L3MBTL3: variants seen among roughly 807,000 people sequenced by gnomAD.
The protein encoded by L3MBTL3 is lethal(3)malignant brain tumor-like protein 3.
Under a neutral mutation model 102.3 loss-of-function variants are expected in L3MBTL3, and 27 were observed. That is an observed-to-expected ratio of 0.26 (90% CI 0.19 to 0.36). The LOEUF is 0.36. Among genes scored for constraint, L3MBTL3 ranks in the 10% least tolerant of loss-of-function variants. The pLI is 1.00. For missense variants in L3MBTL3, 798 were observed against 955.3 expected (o/e 0.84, Z 2.17); for synonymous variants, 340 against 320.9 (o/e 1.06, Z -0.64).
chr6:130,133,447 A>C lies in L3MBTL3; in HGVS notation c.1967-5A>C, dbSNP rs1468350786. ...AGTGATTTCCCATTTGTTTTCATTG[A>C]CCAGGTGCCCGGGAAGAACCCACCG... On this transcript the variant is annotated splice_region_variant and splice_polypyrimidine_tract_variant and intron_variant, in intron 20 of 22. Transcript: ENST00000361794. This position sits in a 1 kb window ranked among gnomAD's most constrained non-coding sequence, Gnocchi z 4.9. 1.2e-6 allele frequency: 2 copies of C among 1,612,880 alleles called. No individual in the cohort carries two copies. The highest frequency in any genetic ancestry group is 1.7e-6 in the Non-Finnish European group (2 of 1,179,466).
At chr6:130,065,052 C>A (rs990554660) in intron 10 of L3MBTL3, among the ~76,000 whole-genome samples, 2 of 115,196 alleles carry the variant, frequency 1.7e-5, no homozygotes, top group African/African-American at 5.0e-5. Flanking sequence ...CCAGGGATTC[C>A]AGTCTCAGCT....
At chr6:130,093,513 A>G (rs187349608) in intron 17 of L3MBTL3, among the ~76,000 whole-genome samples, 4 of 152,308 alleles carry the variant, frequency 2.6e-5, no homozygotes, top group Admixed American at 6.5e-5. Context: ...GCACATGTAC[A>G]TGGCATTCAG....
intron 2 of L3MBTL3, among the ~76,000 whole-genome samples, chr6:130,041,048 G>A (rs973039693): frequency 1.3e-5 from 2 of 152,218 alleles, no homozygotes; most frequent in Admixed American, 6.5e-5. Flanking sequence ...GGCAAAGAAT[G>A]TGTGAGTATT....
chr6:130,061,835 G>C (rs1781920313), intron 10 of L3MBTL3, among the ~76,000 whole-genome samples: 1 of 152,120 alleles, frequency 6.6e-6, no homozygotes, highest in South Asian at 2.1e-4. Context: ...TCCTGAAAAG[G>C]AACAGCGAGA....
chr6:130,073,715 G>C (rs1782774939), intron 13 of L3MBTL3, among the ~76,000 whole-genome samples: 1 of 151,992 alleles, frequency 6.6e-6, no homozygotes, highest in African/African-American at 2.4e-5. Context: ...AAATGTCTAG[G>C]GAACAAACAG....
intron 3 of L3MBTL3, 98 bp downstream of exon 3, chr6:130,042,899 A>G (rs1416710203): frequency 2.5e-6 from 2 of 802,506 alleles, no homozygotes; most frequent in Non-Finnish European, 4.2e-6. Flanking sequence ...TAAAAGCATT[A>G]ATCATAGTGG....
intron 8 of L3MBTL3, among the ~76,000 whole-genome samples, chr6:130,055,747 G>C (rs1043729686): frequency 4.8e-5 from 7 of 146,990 alleles, no homozygotes; most frequent in African/African-American, 1.5e-4. Context: ...GGTGTTTCCT[G>C]CCTCTGCTTC....
rs149613258 is a variant in L3MBTL3, at chr6:130,069,228, C to T, written c.1092+807C>T. ...GCTTTCTCTCTAGTATGATCAGTTC[C>T]TCCTTTCCAGAGTCACCAGGCTGGT... On this transcript the variant is annotated intron_variant, in intron 12 of 22. Transcript: ENST00000361794. 7.0e-4 allele frequency among the ~76,000 whole-genome samples: 107 copies of T among 152,296 alleles called. 1 individual carries two copies. In the East Asian group the frequency reaches 0.017, roughly 24 times the overall value.
intron 18 of L3MBTL3, among the ~76,000 whole-genome samples, chr6:130,099,023 A>G (rs1012964014): frequency 1.3e-5 from 2 of 151,994 alleles, no homozygotes; most frequent in African/African-American, 4.8e-5. Flanking sequence ...TAAAAATTAC[A>G]ATTAAAAGGG....
intron 5 of L3MBTL3, among the ~76,000 whole-genome samples, chr6:130,050,218 C>G (rs1339157988): frequency 2.0e-5 from 3 of 152,222 alleles, no homozygotes; most frequent in African/African-American, 4.8e-5. Flanking sequence ...TCTGACACTT[C>G]ACTGATTTCT....
At chr6:130,049,935 A>G in intron 5 of L3MBTL3, 105 bp downstream of exon 5, 1 of 1,381,126 alleles carries the variant, frequency 7.2e-7, no homozygotes, top group South Asian at 1.5e-5. Flanking sequence ...AGTTGACAAT[A>G]GCACCATCCA....
At chr6:130,069,132 G>A (rs576747200) in intron 12 of L3MBTL3, among the ~76,000 whole-genome samples, 58 of 152,240 alleles carry the variant, frequency 3.8e-4, no homozygotes, top group African/African-American at 1.3e-3. Context: ...CGCCTTTCAC[G>A]CCCATCCCCC....
rs186782722 is a variant in L3MBTL3, at chr6:130,128,818, T to C, written c.1967-4634T>C. On this transcript the variant is annotated intron_variant, in intron 20 of 22. Coordinates refer to ENST00000361794, the MANE Select transcript of L3MBTL3 (RefSeq NM_032438.4). The stretch of plus-strand genomic sequence containing the variant: ...AGCTGCTCCTTGGAGTGTTTTGTGG[T>C]TTCTTTAGCATACCAGTGCATGATG... 2.4e-4 allele frequency among the ~76,000 whole-genome samples: 37 copies of C among 152,238 alleles called. No homozygotes were observed. The East Asian group carries it at 7.2e-3, about 29-fold the overall frequency.
chr6:130,079,553 C>T (rs1233571608), intron 14 of L3MBTL3, among the ~76,000 whole-genome samples: 1 of 152,178 alleles, frequency 6.6e-6, no homozygotes, highest in Non-Finnish European at 1.5e-5. Flanking sequence ...AAGACAGGAT[C>T]ATCAAACTGA....
chr6:130,079,436 GTTTAT>G (rs1783170693), intron 14 of L3MBTL3, among the ~76,000 whole-genome samples: 1 of 152,188 alleles, frequency 6.6e-6, no homozygotes, highest in South Asian at 2.1e-4. Flanking sequence ...ATCATTTTGA[GTTTAT>G]TTTATGTGCT....
chr6:130,132,985 A>G (rs756402319), intron 20 of L3MBTL3, among the ~76,000 whole-genome samples: 27 of 120,132 alleles, frequency 2.2e-4, no homozygotes, highest in Non-Finnish European at 4.8e-4. Context: ...AAGTTAAAAA[A>G]CCAAACCAAG....
rs1280274980 is a variant in L3MBTL3, at chr6:130,092,763, A to T, written c.1537A>T (p.Asn513Tyr). The change falls in exon 17 of 23, where the codon AAC becomes TAC. Residue 513 changes from asparagine to tyrosine, a missense_variant. This residue lies in a region of L3MBTL3 where 306 missense variants were observed against 314.4 expected (regional missense o/e 0.97). Transcript: ENST00000361794. ...CATCCAGGTTCACTTTGATGGCTGG[A>T]ACAATTGCTATGATTACTGGATAGA... The part of the protein sequence containing the change: ...HRVKVHFDGW[N>Y]NCYDYWIDAD... 3.1e-6 allele frequency: 5 copies of T among 1,612,050 alleles called. No homozygotes were observed. Among genetic ancestry groups the T allele is most frequent in the Non-Finnish European group, 4.2e-6 (5 of 1,178,354 alleles).
intron 10 of L3MBTL3, among the ~76,000 whole-genome samples, chr6:130,062,990 C>CTT (rs367985147): frequency 0.29 from 36,564 of 125,588 alleles, 5,169 homozygotes; most frequent in East Asian, 0.45. Context: ...TCTTGCCTTT[C>CTT]TTTTTTTTTT....
rs1788139507 is a variant in L3MBTL3, at chr6:130,140,072, A to G, written c.*319A>G. 1 of 187,510 alleles carries G rather than the reference A, an allele frequency of 5.3e-6. No individual in the cohort carries two copies. The highest frequency in any genetic ancestry group is 2.4e-5 in the African/African-American group (1 of 41,944). The allele number at this position is 187,510 out of a possible 1,614,324, so 11.6% of individuals were successfully genotyped here. ...TATTTATGGTAATGGGGGGCAGAGT[A>G]AGAACTTTTGGCATTTTGTAAACAT... On this transcript the variant is annotated 3_prime_UTR_variant, in exon 23 of 23. Coordinates refer to ENST00000361794, the MANE Select transcript of L3MBTL3 (RefSeq NM_032438.4).
Sources: gnomAD v4.1 joint callset for allele counts (sites outside exome capture counted in the v4.1 genomes callset) on GRCh38, gnomAD v4.1.1 for gene constraint, gnomAD v4.1.1 regional missense constraint, Gnocchi (gnomAD v3.1) non-coding constraint, MANE v1.5 for transcripts, NCBI Gene and HGNC (gene_info 2026-07-23, HGNC 2026-07-21) for gene names.